Variants in ADGRL2 observed in about 807,000 individuals in gnomAD.
The protein encoded by ADGRL2 is adhesion G protein-coupled receptor L2.
In ADGRL2, 44 loss-of-function variants were observed where a neutral mutation model predicts 157.4. That is an observed-to-expected ratio of 0.28 (90% CI 0.22 to 0.36). The LOEUF (loss-of-function observed/expected upper bound fraction) is 0.36. ADGRL2 is among the 10% of genes least tolerant of loss of function. ADGRL2 has a pLI of 1.00. For missense variants in ADGRL2, 1,510 were observed against 1,768.9 expected, an observed-to-expected ratio of 0.85 and a Z score of 2.63; for synonymous variants, 585 against 624.7, an observed-to-expected ratio of 0.94 and a Z score of 0.95.
chr1:81,699,995 A>G (rs1165248735), intron 1 of ADGRL2, among the ~76,000 whole-genome samples: 1 of 152,208 alleles, frequency 6.6e-6, no homozygotes, highest in African/African-American at 2.4e-5. Context: ...CCCCTGCAAT[A>G]GCTGTCGGTA....
chr1:81,407,231 G>C (rs1381811353), intron 1 of ADGRL2, among the ~76,000 whole-genome samples: 1 of 152,160 alleles, frequency 6.6e-6, no homozygotes, highest in African/African-American at 2.4e-5. Context: ...TTTCAGCAAG[G>C]ATCTGGTTTG....
intron 3 of ADGRL2, among the ~76,000 whole-genome samples, chr1:81,605,706 C>T (rs1412829184): frequency 6.6e-6 from 1 of 152,176 alleles, no homozygotes. Flanking sequence ...TTGGGAGAAA[C>T]TTAACACATC....
At chr1:81,926,186 C>G (rs1412487435) in intron 3 of ADGRL2, among the ~76,000 whole-genome samples, 1 of 151,942 alleles carries the variant, frequency 6.6e-6, no homozygotes, top group Non-Finnish European at 1.5e-5. Context: ...GATGACCAAT[C>G]TAAAACTGAG....
chr1:81,936,066 A>G (rs970203496), intron 3 of ADGRL2, among the ~76,000 whole-genome samples: 3 of 151,978 alleles, frequency 2.0e-5, no homozygotes, highest in Non-Finnish European at 4.4e-5. Context: ...AAGAGTAACA[A>G]TAATGCTTAG....
At chr1:81,522,915 A>T (rs959725446) in intron 2 of ADGRL2, among the ~76,000 whole-genome samples, 1 of 152,158 alleles carries the variant, frequency 6.6e-6, no homozygotes, top group Non-Finnish European at 1.5e-5. Context: ...GTTCAGTAGG[A>T]ATTTCATATC....
At chr1:81,608,823 T>A (rs2081484868) in intron 3 of ADGRL2, among the ~76,000 whole-genome samples, 1 of 152,158 alleles carries the variant, frequency 6.6e-6, no homozygotes, top group African/African-American at 2.4e-5. Context: ...CTCTGTTCTA[T>A]TCCTTCACCC....
At chr1:81,525,808 C>T (rs896105137) in intron 2 of ADGRL2, among the ~76,000 whole-genome samples, 1 of 151,940 alleles carries the variant, frequency 6.6e-6, no homozygotes, top group African/African-American at 2.4e-5. Context: ...CAGCACACCA[C>T]TGGCTTAAAT....
chr1:81,349,999 C>T (rs763713680), intron 1 of ADGRL2, among the ~76,000 whole-genome samples: 1 of 152,094 alleles, frequency 6.6e-6, no homozygotes, highest in Non-Finnish European at 1.5e-5. Context: ...CTTCCCAACC[C>T]ATATCAAACT....
chr1:81,423,903 T>A (rs2077168127), intron 1 of ADGRL2, among the ~76,000 whole-genome samples: 1 of 152,220 alleles, frequency 6.6e-6, no homozygotes, highest in South Asian at 2.1e-4. Context: ...ATGAAAGAAC[T>A]GACCAATCTT....
intron 2 of ADGRL2, among the ~76,000 whole-genome samples, chr1:81,771,492 G>A (rs553960457): frequency 1.0e-3 from 155 of 152,152 alleles, no homozygotes; most frequent in Non-Finnish European, 1.8e-3. Context: ...TAAATGCATC[G>A]CATAGAGGAG....
At chr1:81,722,986 C>T in intron 1 of ADGRL2, 1 of 783,392 alleles carries the variant, frequency 1.3e-6, no homozygotes. Context: ...TGGCTCAGAA[C>T]CCAGCAAATT....
intron 2 of ADGRL2, among the ~76,000 whole-genome samples, chr1:81,792,286 C>T (rs2087387997): frequency 6.6e-6 from 1 of 152,156 alleles, no homozygotes; most frequent in Non-Finnish European, 1.5e-5. Context: ...AAATGTAGCA[C>T]AAATGGCCTT....
chr1:81,550,754 T>C (rs1327330219), intron 2 of ADGRL2, among the ~76,000 whole-genome samples: 3 of 151,256 alleles, frequency 2.0e-5, no homozygotes, highest in Admixed American at 1.3e-4. Context: ...TATCAGAAAG[T>C]AAATAGAATT....
chr1:81,311,443 T>C (rs1659748939), intron 1 of ADGRL2, among the ~76,000 whole-genome samples: 1 of 152,174 alleles, frequency 6.6e-6, no homozygotes. Context: ...CATATTCTTG[T>C]ATTCCCAGTA....
At chr1:81,545,818 T>C (rs770275453) in intron 2 of ADGRL2, among the ~76,000 whole-genome samples, 1 of 152,036 alleles carries the variant, frequency 6.6e-6, no homozygotes, top group Non-Finnish European at 1.5e-5. Context: ...CCCCACACTA[T>C]CAATAAACTC....
intron 2 of ADGRL2, among the ~76,000 whole-genome samples, chr1:81,498,031 C>T (rs1249259396): frequency 6.6e-6 from 1 of 151,990 alleles, no homozygotes; most frequent in African/African-American, 2.4e-5. Flanking sequence ...ATGGTGAAAC[C>T]TCGTCTCTAC....
chr1:81,593,027 A>G (rs952092990), intron 3 of ADGRL2, among the ~76,000 whole-genome samples: 3 of 152,162 alleles, frequency 2.0e-5, no homozygotes, highest in Admixed American at 6.5e-5. Context: ...ATTTCTAAGG[A>G]ATAGAAATAG....
intron 1 of ADGRL2, among the ~76,000 whole-genome samples, chr1:81,324,422 T>A (rs1214112507): frequency 6.6e-6 from 1 of 150,788 alleles, no homozygotes; most frequent in Admixed American, 6.6e-5. Flanking sequence ...GGCAGGAGGA[T>A]GGTTTGAGCC....
At chr1:81,409,286 A>G (rs2076909947) in intron 1 of ADGRL2, among the ~76,000 whole-genome samples, 1 of 82,630 alleles carries the variant, frequency 1.2e-5, no homozygotes. Flanking sequence ...TCTGGAAGGA[A>G]CACAAAAAAC....
Sources: gnomAD v4.1 joint callset for allele counts (sites outside exome capture counted in the v4.1 genomes callset) on GRCh38, gnomAD v4.1.1 for gene constraint, MANE v1.5 for transcripts, NCBI Gene and HGNC (gene_info 2026-07-23, HGNC 2026-07-21) for gene names.